The following SUGCT variants were observed in gnomAD, a reference collection of about 807,000 sequenced individuals.
SUGCT encodes the protein succinyl-CoA:glutarate CoA-transferase.
Under a neutral mutation model 55.0 loss-of-function variants are expected in SUGCT, and 41 were observed. The ratio of observed to expected loss-of-function variants is 0.74; its 90% CI spans 0.58 to 0.97. The LOEUF (loss-of-function observed/expected upper bound fraction) is 0.97, where lower values mean the gene tolerates loss of function less well. Ranked by LOEUF, SUGCT falls within the 50% of genes least tolerant of loss-of-function variation. The pLI is 0.00. For synonymous variants in SUGCT, 187 were observed against 200.4 expected, an observed-to-expected ratio of 0.93 and a Z score of 0.56; for missense variants, 568 against 547.8, an observed-to-expected ratio of 1.04 and a Z score of -0.37.
At chr7:40,289,643 A>T (rs1450416909) in intron 8 of SUGCT, among the ~76,000 whole-genome samples, 1 of 152,148 alleles carries the variant, frequency 6.6e-6, no homozygotes, top group Non-Finnish European at 1.5e-5. Context: ...TAGTGTTGGA[A>T]GTTCTGGCCA....
chr7:40,213,791 T>C (rs1485511404), intron 6 of SUGCT, among the ~76,000 whole-genome samples: 1 of 152,234 alleles, frequency 6.6e-6, no homozygotes, highest in Non-Finnish European at 1.5e-5. Flanking sequence ...TTATTGTTTT[T>C]TGTTTTGTTG....
At chr7:40,911,533 A>G in the SUGCT span, among the ~76,000 whole-genome samples, 1 of 148,952 alleles carries the variant, frequency 6.7e-6, no homozygotes, top group South Asian at 2.1e-4. Flanking sequence ...GCGCCACTGC[A>G]CTCCAGCCTG....
the SUGCT span, among the ~76,000 whole-genome samples, chr7:40,948,616 G>C: frequency 0.73 from 109,606 of 149,144 alleles, 40,629 homozygotes; most frequent in Middle Eastern, 0.8. Context: ...TCCCCCACCC[G>C]CCGACAGGCC....
At chr7:40,935,025 A>G in the SUGCT span, among the ~76,000 whole-genome samples, 1 of 152,208 alleles carries the variant, frequency 6.6e-6, no homozygotes, top group African/African-American at 2.4e-5. Flanking sequence ...GGAGCTGCAG[A>G]ACAGAGCTTT....
At position 40,397,087 on chromosome 7, in the gene SUGCT, G is replaced by A. The variant is rs899541966; in HGVS notation, c.817-52200G>A. Among the ~76,000 whole-genome samples the A allele has an allele frequency of 5.3e-5, 8 of 152,296 alleles. No individual in the cohort carries two copies. In the East Asian group the frequency reaches 1.5e-3, roughly 29 times the overall value. On this transcript the variant is annotated intron_variant, in intron 9 of 13. Transcript: ENST00000335693. ...ACTTTTAAGAGTTGAAAACTCTGAT[G>A]ATAGATTACTGAAATGGTTAAAAAT...
chr7:41,020,654 T>C, the SUGCT span, among the ~76,000 whole-genome samples: 1 of 152,198 alleles, frequency 6.6e-6, no homozygotes, highest in Non-Finnish European at 1.5e-5. Flanking sequence ...TATATATTGG[T>C]GCTCTCCCAC....
chr7:40,440,022 C>T (rs1039407133), intron 9 of SUGCT, among the ~76,000 whole-genome samples: 1 of 152,068 alleles, frequency 6.6e-6, no homozygotes, highest in African/African-American at 2.4e-5. Context: ...TCAGACTCCT[C>T]ACTTAACTCC....
At chr7:40,915,571 A>ATTC in the SUGCT span, among the ~76,000 whole-genome samples, 1 of 152,212 alleles carries the variant, frequency 6.6e-6, no homozygotes, top group Admixed American at 6.5e-5. Context: ...ATGGTCACAG[A>ATTC]AAACAAAAGA....
chr7:40,465,626 G>A (rs1309241770), intron 11 of SUGCT, among the ~76,000 whole-genome samples: 2 of 151,772 alleles, frequency 1.3e-5, no homozygotes, highest in Non-Finnish European at 2.9e-5. Context: ...AAAAAAAAAA[G>A]TTTATTAGTT....
chr7:40,948,758 T>C, the SUGCT span, among the ~76,000 whole-genome samples: 1 of 152,206 alleles, frequency 6.6e-6, no homozygotes, highest in Non-Finnish European at 1.5e-5. Flanking sequence ...TCCAGCTTCA[T>C]TCTTGTCACT....
At chr7:40,313,598 T>C (rs535027425) in intron 8 of SUGCT, among the ~76,000 whole-genome samples, 1 of 152,118 alleles carries the variant, frequency 6.6e-6, no homozygotes, top group Admixed American at 6.5e-5. Context: ...GAGTTGTTAC[T>C]GACAAATCAC....
At position 40,558,112 on chromosome 7, in the gene SUGCT, C is replaced by A. The variant is rs564867573; in HGVS notation, c.1089+61726C>A. ...GCTATTCCATACAAAAAAAAAAAAA[C>A]CAGAAAATAAAAAGTTTTGATGTGG... is the stretch of plus-strand genomic sequence containing the variant. On this transcript the variant is annotated intron_variant, in intron 12 of 13. Transcript: ENST00000335693. Among the ~76,000 whole-genome samples, 609 of 143,310 alleles carry A rather than the reference C, an allele frequency of 4.2e-3. 4 individuals are homozygous for A. Among genetic ancestry groups the A allele is most frequent in the African/African-American group, 0.016 (557 of 34,496 alleles). The allele number at this position is 143,310 out of a possible 152,430, so 94.0% of individuals were successfully genotyped here.
chr7:40,461,282 T>G (rs1373834710), intron 11 of SUGCT, among the ~76,000 whole-genome samples: 2 of 152,190 alleles, frequency 1.3e-5, no homozygotes, highest in Non-Finnish European at 2.9e-5. Flanking sequence ...ATATGATGTG[T>G]GTTTTTCCAG....
the SUGCT span, among the ~76,000 whole-genome samples, chr7:40,938,483 CTAAT>C: frequency 2.6e-5 from 4 of 151,362 alleles, no homozygotes; most frequent in Admixed American, 6.6e-5. Context: ...AATTAATTAA[CTAAT>C]TAATTTTTTA....
At chr7:40,490,188 C>A (rs1247238845) in intron 11 of SUGCT, among the ~76,000 whole-genome samples, 1 of 152,214 alleles carries the variant, frequency 6.6e-6, no homozygotes, top group African/African-American at 2.4e-5. Flanking sequence ...GGGTTCAAGC[C>A]TGGAAGACCT....
At chr7:40,373,131 C>T (rs977438666) in intron 9 of SUGCT, among the ~76,000 whole-genome samples, 1 of 151,810 alleles carries the variant, frequency 6.6e-6, no homozygotes, top group Non-Finnish European at 1.5e-5. Context: ...GTAACACTAT[C>T]GTACTACAAA....
At chr7:40,423,961 A>T (rs1787448895) in intron 9 of SUGCT, among the ~76,000 whole-genome samples, 1 of 152,066 alleles carries the variant, frequency 6.6e-6, no homozygotes, top group Non-Finnish European at 1.5e-5. Context: ...AATATTTGTT[A>T]TGTGTCTCTC....
intron 7 of SUGCT, among the ~76,000 whole-genome samples, chr7:40,240,571 A>G (rs1240204355): frequency 6.6e-6 from 1 of 152,184 alleles, no homozygotes; most frequent in East Asian, 1.9e-4. Context: ...TATCAGCAAT[A>G]TATTAACAAT....
chr7:40,695,677 T>C (rs1784897505), intron 12 of SUGCT, among the ~76,000 whole-genome samples: 1 of 152,198 alleles, frequency 6.6e-6, no homozygotes, highest in Non-Finnish European at 1.5e-5. Flanking sequence ...GGTACAATTA[T>C]TAGTATTCCA....
Sources: allele counts gnomAD v4.1 joint callset (sites outside exome capture counted in the v4.1 genomes callset), GRCh38; gene constraint gnomAD v4.1.1; transcripts MANE v1.5; gene names NCBI Gene and HGNC (gene_info 2026-07-23, HGNC 2026-07-21).